The following LILRB3 variants were observed in gnomAD, a reference collection of about 807,000 sequenced individuals.
LILRB3 encodes the protein leukocyte immunoglobulin like receptor B3.
In LILRB3, 32 loss-of-function variants were observed where a neutral mutation model predicts 68.2. The observed-to-expected ratio is 0.47, with a 90% CI of 0.35 to 0.63. The LOEUF is 0.63. Among genes scored for constraint, LILRB3 ranks in the 30% least tolerant of loss-of-function variants. LILRB3 has a pLI of 0.00. For synonymous variants in LILRB3, 185 were observed against 323.1 expected (o/e 0.57, Z 4.58); for missense variants, 502 against 791.3 (o/e 0.63, Z 4.39).
chr19:54,216,476 A>AT, exon 13 of LILRB3: 1 of 288,686 alleles, frequency 3.5e-6, no homozygotes, highest in Non-Finnish European at 5.2e-6. Flanking sequence ...CGCCCGGCTA[A>AT]TTTTTTTGTA....
chr19:54,219,229 C>A, exon 8 of LILRB3: 1 of 1,583,528 alleles, frequency 6.3e-7, no homozygotes, highest in Non-Finnish European at 8.6e-7. Context: ...TCAAAACCTC[C>A]AGGTATCTTC....
intron 7 of LILRB3, chr19:54,219,677 C>T (rs255773): frequency 0.45 from 445,150 of 984,196 alleles, 101,954 homozygotes; most frequent in East Asian, 0.51. Context: ...CAGGAGGTCA[C>T]AGCTGGGGGT....
Position 54,217,171 on chromosome 19 carries a change from CT to C in LILRB3, c.1817del (p.Lys606ArgfsTer82), listed in dbSNP as rs2077541379. 6.2e-7 allele frequency: 1 copy of C among 1,613,630 alleles called. No individual in the cohort carries two copies. The highest frequency in any genetic ancestry group is 8.5e-7 in the Non-Finnish European group (1 of 1,180,008). ...CCTGGGATGGAGGAGGCTCAGTTGC[CT>C]TCCGTCTAAGGGTCAAGCTGTGCAG... On this transcript the variant is annotated frameshift_variant, in exon 13 of 13. Coordinates refer to ENST00000445347, the Ensembl canonical transcript of LILRB3. LOFTEE classifies it low-confidence loss of function (END_TRUNC).
chr19:54,217,104 C>G (rs1181400227), exon 13 of LILRB3: 5 of 1,614,000 alleles, frequency 3.1e-6, no homozygotes, highest in Non-Finnish European at 4.2e-6. Flanking sequence ...TAGTGGATGG[C>G]CAGAGTGGCG....
Position 54,219,117 on chromosome 19 carries a change from TTCCC to T in LILRB3, c.1426+8_1426+11del, listed in dbSNP as rs1189156565. 1 of 1,581,998 alleles carries T rather than the reference TTCCC, an allele frequency of 6.3e-7. No individual in the cohort carries two copies. Among genetic ancestry groups the T allele is most frequent in the Admixed American group, 1.9e-5 (1 of 53,632 alleles). On this transcript the variant is annotated splice_region_variant and intron_variant, in intron 8 of 12. Coordinates refer to ENST00000445347, the Ensembl canonical transcript of LILRB3. Reference sequence around the variant, plus strand: ...CTCGGTCGACCCATGGGTCCCCCGCTTCCCTACTCACCAGATGTCCTGTGTTTGC... The same window carrying T: ...CTCGGTCGACCCATGGGTCCCCCGCTTACTCACCAGATGTCCTGTGTTTGC...
chr19:54,219,546 C>T, intron 7 of LILRB3: 2 of 1,550,386 alleles, frequency 1.3e-6, no homozygotes, highest in Middle Eastern at 1.7e-4. Context: ...AAGAGCCTGA[C>T]CGTCCTGAAC....
chr19:54,218,549 G>A, intron 10 of LILRB3, 96 bp downstream of exon 10: 2 of 1,604,968 alleles, frequency 1.2e-6, no homozygotes, highest in Non-Finnish European at 1.7e-6. Context: ...ATCTTCCACG[G>A]AGCCCCAGAC....
rs751526533 is a variant in LILRB3 at position 54,219,203 on chromosome 19, GCCA to G, written c.1349_1351del (p.Val450del). 3.3e-5 allele frequency: 52 copies of G among 1,596,168 alleles called. No homozygotes were observed. In the South Asian group the frequency reaches 5.4e-4, roughly 16 times the overall value. On this transcript the variant is annotated inframe_deletion, in exon 8 of 13. Transcript: ENST00000445347. ...GAGGAGGAAGAGCAGCAGGACGAAGGCCACCGAGACCCCAATCAAAACCTCCAG... is the reference window on the plus strand; with the variant it reads ...GAGGAGGAAGAGCAGCAGGACGAAGGCCGAGACCCCAATCAAAACCTCCAG...
exon 3 of LILRB3, chr19:54,222,357 A>G: frequency 6.3e-7 from 1 of 1,599,588 alleles, no homozygotes; most frequent in East Asian, 2.3e-5. Flanking sequence ...ATCTCCCTGC[A>G]TGGTGCTGTG....
intron 1 of LILRB3, 37 bp downstream of exon 1, chr19:54,222,906 A>T: frequency 6.2e-7 from 1 of 1,612,550 alleles, no homozygotes; most frequent in Non-Finnish European, 8.5e-7. Flanking sequence ...GGTTCCTCCA[A>T]GACTCGGATC....
intron 2 of LILRB3, 28 bp downstream of exon 2, chr19:54,222,719 G>A: frequency 6.2e-7 from 1 of 1,612,542 alleles, no homozygotes; most frequent in Non-Finnish European, 8.5e-7. Flanking sequence ...GAGGAGTAGG[G>A]ACCTGGGACA....
chr19:54,218,389 G>C, exon 11 of LILRB3: 1 of 1,614,214 alleles, frequency 6.2e-7, no homozygotes, highest in Non-Finnish European at 8.5e-7. Context: ...CCTGTCCTCA[G>C]ACTGTGTGTC....
At chr19:54,220,754 C>G (rs1179691210) in exon 6 of LILRB3, 1 of 1,524,190 alleles carries the variant, frequency 6.6e-7, no homozygotes, top group Non-Finnish European at 8.8e-7. Flanking sequence ...GTGACTGACA[C>G]AGCAGGGTCA....
At chr19:54,218,808 G>T in exon 9 of LILRB3, 1 of 1,614,152 alleles carries the variant, frequency 6.2e-7, no homozygotes, top group Non-Finnish European at 8.5e-7. Flanking sequence ...CGCAGCCCCT[G>T]CAGGACGCTG....
At chr19:54,222,103 G>A (rs371297628) in exon 4 of LILRB3, 1 of 1,609,976 alleles carries the variant, frequency 6.2e-7, no homozygotes, top group Non-Finnish European at 8.5e-7. Flanking sequence ...GCTGGGCAGG[G>A]CTGAGAGGGT....
chr19:54,216,977 C>A, exon 13 of LILRB3: 1 of 1,563,906 alleles, frequency 6.4e-7, no homozygotes, highest in South Asian at 1.2e-5. Context: ...TCCTCATGGT[C>A]TGTGTTAGGG....
At chr19:54,218,303 G>A (rs567345154) in intron 11 of LILRB3, 58 bp downstream of exon 11, 6 of 1,605,080 alleles carry the variant, frequency 3.7e-6, no homozygotes, top group Non-Finnish European at 5.1e-6. Flanking sequence ...GAGAAGTCCT[G>A]CAGGATTAGA....
chr19:54,217,660 G>C, intron 11 of LILRB3, 186 bp from the exon 12 acceptor site: 1 of 1,000,022 alleles, frequency 1.0e-6, no homozygotes, highest in Non-Finnish European at 1.4e-6. Context: ...TCCTCACTCT[G>C]ACCTTGCCCA....
chr19:54,217,286 G>C, intron 12 of LILRB3, 33 bp downstream of exon 12: 1 of 1,553,886 alleles, frequency 6.4e-7, no homozygotes, highest in Non-Finnish European at 8.7e-7. Flanking sequence ...GGGGGTGGGG[G>C]AGGCCTGGGG....
Sources: allele counts gnomAD v4.1 joint callset, GRCh38; gene constraint gnomAD v4.1.1; transcripts MANE v1.5; gene names NCBI Gene and HGNC (gene_info 2026-07-23, HGNC 2026-07-21).